NELL2: variants seen among roughly 807,000 people sequenced by gnomAD.
NELL2 encodes the protein neural EGFL like 2.
In NELL2, 41 loss-of-function variants were observed where a neutral mutation model predicts 109.6. The observed-to-expected ratio is 0.37, with a 90% CI of 0.29 to 0.49. NELL2 has a LOEUF of 0.49. Ranked by LOEUF, NELL2 falls within the 20% of genes least tolerant of loss-of-function variation. The probability of loss-of-function intolerance (pLI) is 0.98; values close to 1 mark genes in which losing one functional copy is unlikely to be tolerated. For synonymous variants in NELL2, 355 were observed against 344.7 expected (o/e 1.03, Z -0.33); for missense variants, 900 against 1,008.3 (o/e 0.89, Z 1.45).
chr12:44,821,762 G>A (rs553560190), intron 2 of NELL2, among the ~76,000 whole-genome samples: 1 of 151,792 alleles, frequency 6.6e-6, no homozygotes, highest in African/African-American at 2.4e-5. Context: ...CTGTTGCCCA[G>A]GCTGGAGTGC....
At chr12:44,601,533 G>C (rs1039106587) in intron 15 of NELL2, among the ~76,000 whole-genome samples, 14 of 152,064 alleles carry the variant, frequency 9.2e-5, no homozygotes, top group African/African-American at 3.4e-4. Flanking sequence ...TTTATGAATG[G>C]ATCAAGAAAA....
chr12:44,575,086 A>G (rs1265667339), intron 15 of NELL2, among the ~76,000 whole-genome samples: 1 of 152,218 alleles, frequency 6.6e-6, no homozygotes, highest in Non-Finnish European at 1.5e-5. Flanking sequence ...CATAAGCTCC[A>G]CATGGGCAGG....
chr12:44,588,656 T>C (rs1177687102), intron 15 of NELL2, among the ~76,000 whole-genome samples: 3 of 152,236 alleles, frequency 2.0e-5, no homozygotes, highest in Non-Finnish European at 4.4e-5. Context: ...AGAACCATCA[T>C]TTATATGCTT....
chr12:44,549,095 A>G (rs914735352), intron 15 of NELL2, among the ~76,000 whole-genome samples: 1 of 152,192 alleles, frequency 6.6e-6, no homozygotes, highest in Non-Finnish European at 1.5e-5. Context: ...AAATTTTTCT[A>G]CCCACATATT....
intron 9 of NELL2, among the ~76,000 whole-genome samples, chr12:44,733,012 CT>C (rs1939450534): frequency 6.6e-6 from 1 of 151,960 alleles, no homozygotes; most frequent in South Asian, 2.1e-4. Flanking sequence ...CACCTCACAT[CT>C]GCTAGGATTG....
intron 18 of NELL2, among the ~76,000 whole-genome samples, chr12:44,520,611 C>T (rs1941482894): frequency 6.6e-6 from 1 of 151,912 alleles, no homozygotes; most frequent in Non-Finnish European, 1.5e-5. Flanking sequence ...TTTTTTCTAA[C>T]CTATTATTAA....
intron 15 of NELL2, among the ~76,000 whole-genome samples, chr12:44,587,302 TA>T (rs1224079434): frequency 3.5e-5 from 4 of 114,388 alleles, no homozygotes; most frequent in African/African-American, 1.6e-4. Context: ...TATATATATA[TA>T]TATATTTTTT....
chr12:44,753,579 A>C (rs1477364332), intron 9 of NELL2, among the ~76,000 whole-genome samples: 2 of 152,208 alleles, frequency 1.3e-5, no homozygotes, highest in African/African-American at 4.8e-5. Context: ...ATAATGGCCT[A>C]GGACTTGGCT....
At chr12:44,908,268 G>T (rs373557736) in intron 1 of NELL2, among the ~76,000 whole-genome samples, 17 of 152,090 alleles carry the variant, frequency 1.1e-4, no homozygotes, top group African/African-American at 3.6e-4. Context: ...CCAATCTTAT[G>T]ATTTCATTGA....
chr12:44,573,551 G>T (rs1049596493), intron 15 of NELL2, among the ~76,000 whole-genome samples: 1 of 152,056 alleles, frequency 6.6e-6, no homozygotes, highest in African/African-American at 2.4e-5. Context: ...AGGCCTAAAG[G>T]CAATAAATTT....
intron 15 of NELL2, among the ~76,000 whole-genome samples, chr12:44,564,932 C>T (rs1943599063): frequency 6.6e-6 from 1 of 152,162 alleles, no homozygotes; most frequent in South Asian, 2.1e-4. Flanking sequence ...ACATTGAAAA[C>T]AGCACTGTAT....
intron 2 of NELL2, among the ~76,000 whole-genome samples, chr12:44,863,080 C>T (rs1376587682): frequency 6.6e-6 from 1 of 152,086 alleles, no homozygotes; most frequent in Non-Finnish European, 1.5e-5. Context: ...TCTCCTAATG[C>T]TATTCGTTCC....
intron 9 of NELL2, among the ~76,000 whole-genome samples, chr12:44,741,827 G>A (rs1939987993): frequency 6.6e-6 from 1 of 152,244 alleles, no homozygotes; most frequent in Admixed American, 6.5e-5. Flanking sequence ...GGAACTGGGT[G>A]GAGCCCACCA....
intron 13 of NELL2, among the ~76,000 whole-genome samples, chr12:44,665,155 T>A (rs916961241): frequency 6.6e-6 from 1 of 152,112 alleles, no homozygotes; most frequent in Non-Finnish European, 1.5e-5. Context: ...TTCAAAAATC[T>A]ATCATCATAT....
chr12:44,665,583 G>A lies in NELL2; in HGVS notation c.1345C>T (p.His449Tyr), dbSNP rs1278407838. 4 of 1,613,300 alleles carry A rather than the reference G, an allele frequency of 2.5e-6. No homozygotes were observed. In the Admixed American group the frequency reaches 6.7e-5, roughly 27 times the overall value. The change falls in exon 13 of 20, where the codon CAT (histidine) becomes TAT (tyrosine). Residue 449 changes from histidine (H) to tyrosine (Y), a missense_variant. Physicochemically the swap from His to Tyr is moderately conservative, Grantham distance 83. Around this residue, in one of 4 missense-constraint regions of NELL2, gnomAD observed 292 missense variants for 265.3 expected, o/e 1.10. Coordinates refer to ENST00000429094, the MANE Select transcript of NELL2 (RefSeq NM_001145108.2). ...EDIDECAEGR[H>Y]YCRENTMCVN... Reference sequence around the variant, plus strand: ...CACATTGTATTTTCACGACAGTAATGGCGCCCTTCAGCACACTCATCGATG... The same window carrying A: ...CACATTGTATTTTCACGACAGTAATAGCGCCCTTCAGCACACTCATCGATG...
At chr12:44,525,030 T>G (rs1001494496) in intron 16 of NELL2, among the ~76,000 whole-genome samples, 2 of 152,196 alleles carry the variant, frequency 1.3e-5, no homozygotes, top group Non-Finnish European at 1.5e-5. Context: ...TTAAGAATTA[T>G]AATAAGCCAG....
chr12:44,617,046 T>C (rs1945847095), intron 13 of NELL2, among the ~76,000 whole-genome samples: 1 of 152,154 alleles, frequency 6.6e-6, no homozygotes. Flanking sequence ...TTTCTGGTTT[T>C]AGGTCTATAA....
chr12:44,564,846 G>T (rs1467405627), intron 15 of NELL2, among the ~76,000 whole-genome samples: 2 of 152,058 alleles, frequency 1.3e-5, no homozygotes, highest in Non-Finnish European at 2.9e-5. Flanking sequence ...CTGTGCATTT[G>T]CTATGAAATG....
At chr12:44,686,584 T>C (rs914551889) in intron 12 of NELL2, among the ~76,000 whole-genome samples, 81 of 151,926 alleles carry the variant, frequency 5.3e-4, no homozygotes, top group Admixed American at 9.2e-4. Flanking sequence ...GATGTACAGA[T>C]AGGTTTTTGG....
Sources: gnomAD v4.1 joint callset for allele counts (sites outside exome capture counted in the v4.1 genomes callset) on GRCh38, gnomAD v4.1.1 for gene constraint, gnomAD v4.1.1 regional missense constraint, MANE v1.5 for transcripts, NCBI Gene and HGNC (gene_info 2026-07-23, HGNC 2026-07-21) for gene names.